Variants in TTN observed in about 807,000 individuals in gnomAD.
The protein encoded by TTN is titin.
TTN carries 1,525 observed loss-of-function variants against 3,223.0 expected under a neutral mutation model. That is an observed-to-expected ratio of 0.47 (90% CI 0.45 to 0.49). The LOEUF is 0.49. TTN is among the 20% of genes least tolerant of loss of function. TTN has a pLI of 0.00. For synonymous variants in TTN, 14,094 were observed against 15,161.0 expected (o/e 0.93, Z 5.17); for missense variants, 40,786 against 43,424.0 (o/e 0.94, Z 5.40).
Position 178,649,880 on chromosome 2 carries a change from T to TA in TTN, c.39831_39832insT (p.Lys13278Ter). The TA allele has an allele frequency of 2.5e-6, 4 of 1,611,178 alleles. No homozygotes were observed. The highest frequency in any genetic ancestry group is 3.4e-6 in the Non-Finnish European group (4 of 1,179,166). On this transcript the variant is annotated frameshift_variant, in exon 211 of 363. Coordinates refer to ENST00000589042, the MANE Select transcript of TTN (RefSeq NM_001267550.2). LOFTEE classifies it high-confidence loss of function. ...ACTTTCTTCTCTGGGATGATCTTCT[T>TA]GGGCTCTTCAGGCACTTGAATAATA...
At chr2:178,749,526 C>T (rs918439071) in intron 47 of TTN, 8 of 1,612,870 alleles carry the variant, frequency 5.0e-6, no homozygotes, top group Admixed American at 1.7e-5. Context: ...GTAAAGGGAC[C>T]AGCTGGATAA....
chr2:178,669,336 T>A, intron 159 of TTN, 37 bp downstream of exon 159: 1 of 1,478,512 alleles, frequency 6.8e-7, no homozygotes. Flanking sequence ...AGGACATAAA[T>A]GAAACGAAAA....
rs879165673 is a variant in TTN at position 178,547,716 on chromosome 2, C to T, written c.93910G>A (p.Val31304Met). The T allele has an allele frequency of 1.2e-6, 2 of 1,613,784 alleles. No homozygotes were observed. The highest frequency in any genetic ancestry group is 1.7e-6 in the Non-Finnish European group (2 of 1,179,842). The change falls in exon 339 of 363, where the codon GTG becomes ATG. Residue 31304 changes from valine (V) to methionine (M), a missense_variant. Val to Met is a conservative substitution (Grantham distance 21). Coordinates refer to ENST00000589042, the MANE Select transcript of TTN (RefSeq NM_001267550.2). Reference protein sequence around the residue: ...AGVKTFSVTVVVIGRPGPVTG... With the variant: ...AGVKTFSVTVMVIGRPGPVTG... Reference sequence around the variant, plus strand: ...ACTGGACCTGGCCTTCCAATGACCACAACTGTGACGCTAAATGTTTTAACA... The same window carrying T: ...ACTGGACCTGGCCTTCCAATGACCATAACTGTGACGCTAAATGTTTTAACA...
At chr2:178,682,640 T>A in intron 135 of TTN, 57 bp downstream of exon 135, 1 of 1,433,112 alleles carries the variant, frequency 7.0e-7, no homozygotes, top group Non-Finnish European at 9.4e-7. Flanking sequence ...TCTTGTTTTA[T>A]CTTGTTTGAG....
chr2:178,607,732 A>G (rs1411204934), intron 276 of TTN, 47 bp from the exon 277 acceptor site: 5 of 1,611,410 alleles, frequency 3.1e-6, no homozygotes, highest in South Asian at 1.1e-5. Flanking sequence ...AGATTAAAAA[A>G]TAGTCCCATA....
At chr2:178,619,469 C>A in intron 250 of TTN, 152 bp downstream of exon 250, 1 of 900,546 alleles carries the variant, frequency 1.1e-6, no homozygotes. Context: ...AAGACACTTA[C>A]TTTGTAGTGA....
Position 178,733,134 on chromosome 2 carries a change from C to G in TTN, c.16055-13G>C. On this transcript the variant is annotated splice_polypyrimidine_tract_variant and intron_variant, in intron 54 of 362. Transcript: ENST00000589042. ...GCAATGTCTCGATCTGTGTGTTGCA[C>G]AAGAAGGGAGAAAAGGTCAATATAG... 1.3e-6 allele frequency: 2 copies of G among 1,572,840 alleles called. No homozygotes were observed. The highest frequency in any genetic ancestry group is 2.7e-5 in the African/African-American group (2 of 73,998).
intron 11 of TTN, 23 bp downstream of exon 11, chr2:178,790,685 T>C (rs1561431538): frequency 6.2e-7 from 1 of 1,614,016 alleles, no homozygotes. Context: ...AGAGTGACTT[T>C]CACATTGGCA....
intron 199 of TTN, 47 bp downstream of exon 199, chr2:178,652,994 G>A (rs1207137852): frequency 6.2e-7 from 1 of 1,605,850 alleles, no homozygotes; most frequent in Non-Finnish European, 8.5e-7. Context: ...GTATTTTCAA[G>A]AAATGAAGAG....
chr2:178,588,636 G>A lies in TTN; in HGVS notation c.63089C>T (p.Pro21030Leu), dbSNP rs886042482. 1 of 1,606,186 alleles carries A rather than the reference G, an allele frequency of 6.2e-7. No individual in the cohort carries two copies. Among genetic ancestry groups the A allele is most frequent in the Non-Finnish European group, 8.5e-7 (1 of 1,176,676 alleles). The change falls in exon 304 of 363, where the codon CCA becomes CTA. Residue 21030 changes from proline to leucine, a missense_variant. Coordinates refer to ENST00000589042, the MANE Select transcript of TTN (RefSeq NM_001267550.2). The stretch of plus-strand genomic sequence containing the variant: ...GACACGGAACTGATATTCATGGTCT[G>A]GGAGGAGATTCTGTACTTTCATACG... ...ERRMKVQNLL[P>L]DHEYQFRVKA...
rs1276562007 is a variant in TTN, at chr2:178,719,803, G to A, written c.23689C>T (p.Pro7897Ser). The change falls in exon 82 of 363, where the codon CCC becomes TCC. Residue 7897 changes from proline to serine, a missense_variant. Coordinates refer to ENST00000589042, the MANE Select transcript of TTN (RefSeq NM_001267550.2). The part of the protein sequence containing the change: ...EPARIIEKPE[P>S]MTVTTGNPFA... ...GGATTTCCAGTAGTGACAGTCATGG[G>A]TTCGGGCTTCTCTATGATTCTTGCT... The A allele has an allele frequency of 6.2e-7, 1 of 1,611,712 alleles. No homozygotes were observed. Among genetic ancestry groups the A allele is most frequent in the East Asian group, 2.2e-5 (1 of 44,804 alleles).
chr2:178,614,412 C>T, intron 261 of TTN, 54 bp downstream of exon 261: 1 of 1,577,260 alleles, frequency 6.3e-7, no homozygotes, highest in South Asian at 1.2e-5. Context: ...TTTTTTCTTT[C>T]AAGAAAGTAA....
rs375379748 is a variant in TTN, at chr2:178,581,136, G to A, written c.66769+363C>T. 7.7e-4 allele frequency among the ~76,000 whole-genome samples: 117 copies of A among 152,096 alleles called. 2 individuals carry two copies. In the South Asian group the frequency reaches 0.023, roughly 31 times the overall value. ...GGAGAGCCCACCAGTCACATACTTA[G>A]GGAGATGGTGGATTGGAAAACAGAA... On this transcript the variant is annotated intron_variant, in intron 316 of 362. Coordinates refer to ENST00000589042, the MANE Select transcript of TTN (RefSeq NM_001267550.2).
intron 2 of TTN, among the ~76,000 whole-genome samples, chr2:178,802,659 T>C (rs2094125821): frequency 6.6e-6 from 1 of 152,204 alleles, no homozygotes; most frequent in Non-Finnish European, 1.5e-5. Flanking sequence ...TGCAATTTAA[T>C]AGACAACATT....
Position 178,717,179 on chromosome 2 carries a change from C to T in TTN, c.25555G>A (p.Gly8519Ser), listed in dbSNP as rs760041371. ...GTGTACTGCCCGGCATCGCCTTTGC[C>T]TACTTTGAGAACTGTCAGAGTGGCA... is the stretch of plus-strand genomic sequence containing the variant. ...NTATLTVLKV[G>S]KGDAGQYTCY... Residue 8519 changes from glycine (G) to serine (S), a missense_variant, in exon 88 of 363, where the codon GGC becomes AGC. Transcript: ENST00000589042. 7.4e-6 allele frequency: 12 copies of T among 1,613,666 alleles called. No homozygotes were observed. The highest frequency in any genetic ancestry group is 1.7e-5 in the Admixed American group (1 of 59,998).
At position 178,715,234 on chromosome 2, in the gene TTN, G is replaced by A. The variant is rs368758220; in HGVS notation, c.25952C>T (p.Pro8651Leu). The change falls in exon 90 of 363, where the codon CCT (proline) becomes CTT (leucine). Residue 8651 changes from proline (P) to leucine (L), a missense_variant. Coordinates refer to ENST00000589042, the MANE Select transcript of TTN (RefSeq NM_001267550.2). The stretch of plus-strand genomic sequence containing the variant: ...ATCAGCTCCTTTCAGTGTCTCTATA[G>A]GATGAGGCTTTTTGCGGAAAATGGG... ...EPPIFRKKPH[P>L]IETLKGADVH... 2 of 1,606,706 alleles carry A rather than the reference G, an allele frequency of 1.2e-6. No homozygotes were observed. Among genetic ancestry groups the A allele is most frequent in the African/African-American group, 2.7e-5 (2 of 74,422 alleles).
rs772574722 is a variant in TTN at position 178,534,908 on chromosome 2, G to T, written c.101707C>A (p.Arg33903Ser). ...EFISGLDIFE[R>S]INTSAFELNE... ...AGTTCAAAAGCACTTGTGTTAATGC[G>T]CTCAAATATGTCAAGTCCTGATATA... Residue 33903 changes from arginine to serine, a missense_variant, in exon 358 of 363, where the codon CGC (arginine) becomes AGC (serine). Coordinates refer to ENST00000589042, the MANE Select transcript of TTN (RefSeq NM_001267550.2). 4 of 1,609,844 alleles carry T rather than the reference G, an allele frequency of 2.5e-6. No individual in the cohort carries two copies. The highest frequency in any genetic ancestry group is 3.4e-6 in the Non-Finnish European group (4 of 1,179,778).
Position 178,634,477 on chromosome 2 carries a change from CGAT to C in TTN, c.42301_42303del (p.Ile14101del). The C allele has an allele frequency of 6.2e-7, 1 of 1,613,184 alleles. No homozygotes were observed. The highest frequency in any genetic ancestry group is 8.5e-7 in the Non-Finnish European group (1 of 1,179,480). ...ACAAGAATATGTTTCTTTCCATCAG[CGAT>C]GATATCAAATTTGTCAGATGACTTA... On this transcript the variant is annotated inframe_deletion, in exon 230 of 363. Transcript: ENST00000589042. This position sits in a 1 kb window ranked among gnomAD's most constrained non-coding sequence, Gnocchi z 4.6.
chr2:178,759,006 G>A lies in TTN; in HGVS notation c.10281C>T (p.Ser3427=), dbSNP rs772526909. 1.9e-6 allele frequency: 3 copies of A among 1,614,032 alleles called. No individual in the cohort carries two copies. The highest frequency in any genetic ancestry group is 1.7e-6 in the Non-Finnish European group (2 of 1,179,940). The change falls in exon 44 of 363, where the codon AGC becomes AGT. Residue 3427 remains serine, a synonymous_variant. Coordinates refer to ENST00000589042, the MANE Select transcript of TTN (RefSeq NM_001267550.2). ...VASNAVGQVS[S]TANLSLEGFS... Reference sequence around the variant, plus strand: ...TACCTTCCAGACTCAGGTTGGCTGTGCTTGATACTTGGCCTACAGCATTAC... The same window carrying A: ...TACCTTCCAGACTCAGGTTGGCTGTACTTGATACTTGGCCTACAGCATTAC...
Sources: allele counts gnomAD v4.1 joint callset (sites outside exome capture counted in the v4.1 genomes callset), GRCh38; gene constraint gnomAD v4.1.1; non-coding constraint Gnocchi (gnomAD v3.1); transcripts MANE v1.5; gene names NCBI Gene and HGNC (gene_info 2026-07-23, HGNC 2026-07-21).